Variants in ELF4 observed in about 807,000 individuals in gnomAD.
The protein encoded by ELF4 is ETS-related transcription factor Elf-4.
A neutral mutation model predicts 31.7 loss-of-function variants in ELF4; 10 were observed. The observed-to-expected ratio is 0.32, with a 90% CI of 0.19 to 0.54. ELF4 has a LOEUF of 0.54. Ranked by LOEUF, ELF4 falls within the 20% of genes least tolerant of loss-of-function variation. The probability of loss-of-function intolerance (pLI) is 0.95; values close to 1 mark genes in which losing one functional copy is unlikely to be tolerated. For missense variants in ELF4, 418 were observed against 522.0 expected, an observed-to-expected ratio of 0.80 and a Z score of 1.94; for synonymous variants, 208 against 226.7, an observed-to-expected ratio of 0.92 and a Z score of 0.74.
intron 1 of ELF4, among the ~76,000 whole-genome samples, chrX:130,106,345 C>T (rs750631500): frequency 8.1e-5 from 9 of 111,345 alleles, no homozygotes; most frequent in East Asian, 2.8e-4. Context: ...ATCTCTTCCC[C>T]AGCGCCTCCT....
At chrX:130,070,667 G>T (rs2124613592) in intron 7 of ELF4, among the ~76,000 whole-genome samples, 1 of 106,247 alleles carries the variant, frequency 9.4e-6, no homozygotes, top group African/African-American at 3.4e-5. Flanking sequence ...AGCTACTCAG[G>T]AGGCTGAGGC....
rs202157778 is a variant in ELF4, at chrX:130,096,276, G to A, written c.-210+14049C>T. ...CAGCTCACAGTAACCTCTGCCTCCC[G>A]GGTTCAAGTTATTCTCATGCCTTAG... On this transcript the variant is annotated intron_variant, in intron 1 of 8. Transcript: ENST00000308167. Among the ~76,000 whole-genome samples, 14 of 111,131 alleles carry A rather than the reference G, an allele frequency of 1.3e-4. No homozygotes were observed. The East Asian group carries it at 3.7e-3, about 29-fold the overall frequency.
At chrX:130,085,985 C>T (rs1932954297) in intron 1 of ELF4, among the ~76,000 whole-genome samples, 1 of 111,893 alleles carries the variant, frequency 8.9e-6, no homozygotes. Context: ...AGAGTCAGGA[C>T]TATATCCAGT....
chrX:130,088,881 C>G (rs1470883499), intron 1 of ELF4, among the ~76,000 whole-genome samples: 1 of 112,017 alleles, frequency 8.9e-6, no homozygotes, highest in East Asian at 2.8e-4. Flanking sequence ...TAGAAACTAA[C>G]GTGAAGCCTC....
chrX:130,108,208 CA>C (rs1264200270), intron 1 of ELF4, among the ~76,000 whole-genome samples: 122 of 87,832 alleles, frequency 1.4e-3, no homozygotes, highest in Admixed American at 2.0e-3. Context: ...AACTCCATCT[CA>C]AAAAAAAAAA....
intron 1 of ELF4, among the ~76,000 whole-genome samples, chrX:130,103,563 T>C (rs934845459): frequency 8.9e-6 from 1 of 112,541 alleles, no homozygotes; most frequent in Non-Finnish European, 1.9e-5. Context: ...TTTCTGTGCA[T>C]AGATTCTCAT....
intron 7 of ELF4, among the ~76,000 whole-genome samples, chrX:130,070,811 GAAAGAAAAAGGA>G (rs1449611896): frequency 1.0e-5 from 1 of 96,087 alleles, no homozygotes; most frequent in African/African-American, 3.7e-5. Context: ...AAGAAAGAAA[GAAAGAAAAAGGA>G]AAAGAAAAAA....
chrX:130,079,244 G>A (rs113641365), intron 2 of ELF4, among the ~76,000 whole-genome samples: 1,360 of 110,465 alleles, frequency 0.012, 10 homozygotes, highest in Non-Finnish European at 0.02. Flanking sequence ...GATCACCTGC[G>A]GTCAGGAGTT....
chrX:130,102,024 C>T (rs934914155), intron 1 of ELF4, among the ~76,000 whole-genome samples: 2 of 110,003 alleles, frequency 1.8e-5, no homozygotes, highest in African/African-American at 6.6e-5. Context: ...TACATGCCTG[C>T]AATCCCAGCT....
In ELF4 at chrX:130,067,067, C is replaced by G. The variant is rs1322665353; in HGVS notation, c.1646G>C (p.Gly549Ala). The G allele has an allele frequency of 8.3e-7, 1 of 1,209,942 alleles. No homozygotes were observed. Among genetic ancestry groups the G allele is most frequent in the Admixed American group, 2.2e-5 (1 of 45,904 alleles). ...CTCCATGGGGGCCCCCGTCACCATA[C>G]CCTGAACATAGGAGGAGGACCTCAG... is the stretch of plus-strand genomic sequence containing the variant. The part of the protein sequence containing the change: ...GPLRSSSYVQ[G>A]MVTGAPMEGL... Residue 549 changes from glycine to alanine, a missense_variant, in exon 9 of 9, where the codon GGT (glycine) becomes GCT (alanine). This residue lies in a region of ELF4 where 260 missense variants were observed against 269.2 expected (regional missense o/e 0.97). Transcript: ENST00000308167.
At chrX:130,105,107 T>C (rs971156038) in intron 1 of ELF4, among the ~76,000 whole-genome samples, 11 of 108,188 alleles carry the variant, frequency 1.0e-4, no homozygotes, top group African/African-American at 3.7e-4. Context: ...GAGATGGAGG[T>C]TGCAGTGAGC....
intron 2 of ELF4, among the ~76,000 whole-genome samples, chrX:130,074,978 T>C (rs903727025): frequency 9.0e-6 from 1 of 110,530 alleles, no homozygotes; most frequent in African/African-American, 3.3e-5. Flanking sequence ...TAAGCATTTT[T>C]TTTTTTTTGA....
At chrX:130,071,312 C>T in intron 6 of ELF4, 24 bp downstream of exon 6, 1 of 1,211,490 alleles carries the variant, frequency 8.3e-7, no homozygotes. Flanking sequence ...CTCCCCACCT[C>T]ACCTGAGTCC....
intron 1 of ELF4, among the ~76,000 whole-genome samples, chrX:130,096,971 C>A (rs771983637): frequency 1.8e-5 from 2 of 110,672 alleles, no homozygotes; most frequent in Non-Finnish European, 3.8e-5. Context: ...AAAGGCTCAG[C>A]CAGTTCTGAA....
At chrX:130,070,128 T>C (rs1342588594) in intron 7 of ELF4, among the ~76,000 whole-genome samples, 1 of 111,705 alleles carries the variant, frequency 9.0e-6, no homozygotes, top group Non-Finnish European at 1.9e-5. Context: ...GCTGAACTGC[T>C]CTTCCATTAT....
chrX:130,104,427 C>T (rs1466775223), intron 1 of ELF4, among the ~76,000 whole-genome samples: 1 of 110,908 alleles, frequency 9.0e-6, no homozygotes, highest in Non-Finnish European at 1.9e-5. Flanking sequence ...GCATGCCCTG[C>T]CCGCATTGCC....
chrX:130,092,893 C>T (rs1933084333), intron 1 of ELF4, among the ~76,000 whole-genome samples: 1 of 110,829 alleles, frequency 9.0e-6, no homozygotes, highest in Non-Finnish European at 1.9e-5. Context: ...TCCAGGACCA[C>T]CTGGGAATAC....
chrX:130,091,540 C>T (rs1382915140), intron 1 of ELF4, among the ~76,000 whole-genome samples: 1 of 112,448 alleles, frequency 8.9e-6, no homozygotes, highest in African/African-American at 3.2e-5. Context: ...CTCACACCTC[C>T]ACCTCCCAAA....
intron 2 of ELF4, among the ~76,000 whole-genome samples, chrX:130,078,806 C>CA (rs1491469388): frequency 1.0e-5 from 1 of 100,402 alleles, no homozygotes; most frequent in East Asian, 3.1e-4. Flanking sequence ...CACACACACA[C>CA]AATTAGCCAG....
Sources: allele counts gnomAD v4.1 joint callset (sites outside exome capture counted in the v4.1 genomes callset), GRCh38; gene constraint gnomAD v4.1.1; regional missense constraint gnomAD v4.1.1; transcripts MANE v1.5; gene names NCBI Gene and HGNC (gene_info 2026-07-23, HGNC 2026-07-21).